C1QTNF5: variants seen among roughly 807,000 people sequenced by gnomAD.
C1QTNF5 encodes C1q and TNF related 5.
In C1QTNF5, 5 loss-of-function variants were observed where a neutral mutation model predicts 10.9. That is an observed-to-expected ratio of 0.46 (90% CI 0.24 to 0.97). C1QTNF5 has a LOEUF of 0.97. Ranked by LOEUF, C1QTNF5 falls within the 50% of genes least tolerant of loss-of-function variation. C1QTNF5 has a pLI of 0.19. For missense variants in C1QTNF5, 281 were observed against 339.4 expected (o/e 0.83, Z 1.35); for synonymous variants, 161 against 156.5 (o/e 1.03, Z -0.22).
chr11:119,345,286 T>C (rs1346242973), upstream of C1QTNF5: 1 of 922,384 alleles, frequency 1.1e-6, no homozygotes, highest in Non-Finnish European at 1.7e-6. Context: ...AGCAAGGTGG[T>C]GGCAGAGCTG....
upstream of C1QTNF5, chr11:119,341,513 G>A (rs768531221): frequency 3.8e-6 from 6 of 1,569,940 alleles, no homozygotes; most frequent in Non-Finnish European, 5.2e-6. Flanking sequence ...GGCAAAAGAG[G>A]ACGGGCAGGA....
chr11:119,342,850 C>T (rs771945249), upstream of C1QTNF5: 98 of 1,612,964 alleles, frequency 6.1e-5, no homozygotes, highest in Non-Finnish European at 7.8e-5. Flanking sequence ...ACTGCCCCCA[C>T]CCACTTGCCC....
chr11:119,343,246 C>T (rs1241927127), upstream of C1QTNF5, among the ~76,000 whole-genome samples: 1 of 152,266 alleles, frequency 6.6e-6, no homozygotes, highest in Non-Finnish European at 1.5e-5. Flanking sequence ...CATTGTGGCT[C>T]ACACCTGTAA....
chr11:119,345,062 G>A (rs1950546677), upstream of C1QTNF5: 1 of 1,573,234 alleles, frequency 6.4e-7, no homozygotes, highest in Non-Finnish European at 8.6e-7. Context: ...AGCCAGAGAG[G>A]AGCTTGCCTG....
chr11:119,346,279 G>A, the C1QTNF5 span: 1 of 1,612,986 alleles, frequency 6.2e-7, no homozygotes, highest in South Asian at 1.1e-5. Context: ...TACCATGCCA[G>A]GGAGCTGGGA....
chr11:119,346,122 G>A, the C1QTNF5 span: 2,460 of 1,604,918 alleles, frequency 1.5e-3, 5 homozygotes, highest in Non-Finnish European at 1.9e-3. Flanking sequence ...AGAGCCAGGA[G>A]AAGCGGCAGT....
At chr11:119,345,048 G>A, upstream of C1QTNF5, 1 of 1,584,774 alleles carries the variant, frequency 6.3e-7, no homozygotes. Flanking sequence ...CCAAGAGCAG[G>A]GTCAGCCAGA....
rs35341101 is a variant in C1QTNF5 at position 119,339,681 on chromosome 11, C to G, written c.382G>C (p.Val128Leu). ...TAATGTCCCTGCTCGTTCACCAGCA[C>G]GCGGTCGAAGGGCAAGGGTGCGTCA... ...PSDAPLPFDR[V>L]LVNEQGHYDA... is the part of the protein sequence containing the mutation. The change falls in exon 3 of 3, where the codon GTG becomes CTG. Residue 128 changes from valine to leucine, a missense_variant. Val to Leu is a conservative substitution (Grantham distance 32, BLOSUM62 1). Transcript: ENST00000528368. The surrounding 1 kb of genome is among the most constrained non-coding windows in gnomAD (Gnocchi z 5.4). The G allele has an allele frequency of 7.5e-6, 12 of 1,610,328 alleles. No homozygotes were observed. In the African/African-American group the frequency reaches 1.6e-4, roughly 21 times the overall value.
At chr11:119,344,261 G>A, upstream of C1QTNF5, 1 of 1,515,110 alleles carries the variant, frequency 6.6e-7, no homozygotes, top group Non-Finnish European at 9.2e-7. Flanking sequence ...CTAACTTGGG[G>A]ATCAGGTGCT....
the C1QTNF5 span, chr11:119,346,235 C>T: frequency 1.3e-6 from 2 of 1,576,486 alleles, no homozygotes; most frequent in Non-Finnish European, 1.7e-6. Flanking sequence ...TCCTGGGCCT[C>T]TCTGTCCTCC....
Position 119,339,234 on chromosome 11 carries a change from C to G in C1QTNF5, c.*97G>C. 2.9e-6 allele frequency: 4 copies of G among 1,400,402 alleles called. No homozygotes were observed. Among genetic ancestry groups the G allele is most frequent in the Non-Finnish European group, 3.9e-6 (4 of 1,022,984 alleles). The allele number at this position is 1,400,402 out of a possible 1,614,324, so 86.7% of individuals were successfully genotyped here. On this transcript the variant is annotated 3_prime_UTR_variant, in exon 3 of 3. Transcript: ENST00000528368. The surrounding 1 kb of genome is among the most constrained non-coding windows in gnomAD (Gnocchi z 5.4). ...TCTACCCCACCTCCCTAGTCATTCA[C>G]AATATTCCAGGGGGGCCAGCCCTCC...
At chr11:119,342,457 G>A (rs747890580), upstream of C1QTNF5, 6 of 1,065,514 alleles carry the variant, frequency 5.6e-6, no homozygotes, top group Non-Finnish European at 6.8e-6. Flanking sequence ...TCTGTGAAGT[G>A]GTCCCAGAGT....
chr11:119,341,570 A>G (rs1242730294), upstream of C1QTNF5: 1 of 1,612,626 alleles, frequency 6.2e-7, no homozygotes, highest in African/African-American at 1.3e-5. Context: ...ACAAGCTTCC[A>G]GGTCAGCTGC....
upstream of C1QTNF5, chr11:119,345,488 T>C (rs1950553822): frequency 6.2e-7 from 1 of 1,613,982 alleles, no homozygotes; most frequent in African/African-American, 1.3e-5. Flanking sequence ...CCACACTCTC[T>C]ATGCTGAGGG....
upstream of C1QTNF5, chr11:119,345,831 C>T (rs1303307683): frequency 1.9e-6 from 3 of 1,613,928 alleles, no homozygotes; most frequent in South Asian, 3.3e-5. Context: ...TCCCAGCTGC[C>T]TGAGAGGTGG....
chr11:119,342,751 G>A (rs369692906), upstream of C1QTNF5: 11 of 1,613,468 alleles, frequency 6.8e-6, no homozygotes, highest in Admixed American at 1.7e-5. Context: ...GGGCATGGCA[G>A]TGCCCGGGGA....
upstream of C1QTNF5, chr11:119,343,074 G>T: frequency 2.0e-6 from 3 of 1,535,832 alleles, no homozygotes; most frequent in African/African-American, 2.7e-5. Context: ...CCTCCCACAG[G>T]CCTGGCTCTG....
At chr11:119,342,594 AC>A, upstream of C1QTNF5, 1 of 1,612,794 alleles carries the variant, frequency 6.2e-7, no homozygotes, top group Non-Finnish European at 8.5e-7. Context: ...CAGGCTTCTC[AC>A]CTGGGGGTGG....
In C1QTNF5 at chr11:119,340,215, A is replaced by G; in HGVS notation, c.183T>C (p.Ala61=). 1.3e-6 allele frequency: 2 copies of G among 1,513,832 alleles called. No homozygotes were observed. The highest frequency in any genetic ancestry group is 5.5e-5 in the East Asian group (2 of 36,638). The allele number at this position is 1,513,832 out of a possible 1,614,324, so 93.8% of individuals were successfully genotyped here. ...GRDGRDGAPG[A]PGEKGEGGRP... The stretch of plus-strand genomic sequence containing the variant: ...TCCCGCCCTCGCCTTTCTCTCCCGG[A>G]GCCCCGGGCGCGCCGTCGCGGCCGT... Residue 61 remains alanine (A), a synonymous_variant, in exon 2 of 3, where the codon GCT becomes GCC. Coordinates refer to ENST00000528368, the MANE Select transcript of C1QTNF5 (RefSeq NM_001278431.2).
Sources: gnomAD v4.1 joint callset for allele counts (sites outside exome capture counted in the v4.1 genomes callset) on GRCh38, gnomAD v4.1.1 for gene constraint, Gnocchi (gnomAD v3.1) non-coding constraint, MANE v1.5 for transcripts, NCBI Gene and HGNC (gene_info 2026-07-23, HGNC 2026-07-21) for gene names.